The following C1orf141 variants were observed in gnomAD, a reference collection of about 807,000 sequenced individuals.
C1orf141 encodes the protein chromosome 1 open reading frame 141, also known as uncharacterized protein C1orf141.
A neutral mutation model predicts 23.2 loss-of-function variants in C1orf141; 19 were observed. The ratio of observed to expected loss-of-function variants is 0.82; its 90% CI spans 0.57 to 1.20. The LOEUF is 1.20. Among genes scored for constraint, C1orf141 ranks in the 50% most tolerant of loss-of-function variants. The pLI is 0.00. For synonymous variants in C1orf141, 153 were observed against 154.6 expected (o/e 0.99, Z 0.08); for missense variants, 469 against 455.1 (o/e 1.03, Z -0.28).
intron 5 of C1orf141, among the ~76,000 whole-genome samples, chr1:67,115,136 C>T (rs1053963318): frequency 2.0e-5 from 3 of 152,164 alleles, no homozygotes; most frequent in Non-Finnish European, 2.9e-5. Context: ...ACACTATAAA[C>T]ATAAAAATAT....
intron 7 of C1orf141, chr1:67,094,082 T>C (rs1645615636): frequency 6.6e-6 from 1 of 152,618 alleles, no homozygotes; most frequent in Non-Finnish European, 1.5e-5. Context: ...AAAAATTATC[T>C]CTACAACTGT....
intron 5 of C1orf141, among the ~76,000 whole-genome samples, chr1:67,101,729 G>A (rs1165679191): frequency 3.3e-5 from 5 of 152,036 alleles, no homozygotes. Context: ...TGGCCAGGAT[G>A]AACTGAACTT....
intron 4 of C1orf141, among the ~76,000 whole-genome samples, chr1:67,124,732 T>C (rs1348907071): frequency 6.6e-6 from 1 of 152,202 alleles, no homozygotes; most frequent in Non-Finnish European, 1.5e-5. Flanking sequence ...CAAGGCTGGA[T>C]TTAAACCTTA....
chr1:67,139,702 G>A (rs1450262542), upstream of C1orf141, among the ~76,000 whole-genome samples: 1 of 152,098 alleles, frequency 6.6e-6, no homozygotes, highest in Non-Finnish European at 1.5e-5. Context: ...GAGAGGTGAG[G>A]CCTTAATTTA....
chr1:67,116,322 T>C (rs1646192819), intron 4 of C1orf141, among the ~76,000 whole-genome samples: 1 of 152,090 alleles, frequency 6.6e-6, no homozygotes, highest in Non-Finnish European at 1.5e-5. Context: ...ACTCCCAACC[T>C]ATCAGCAAAT....
upstream of C1orf141, among the ~76,000 whole-genome samples, chr1:67,137,672 A>C (rs371190673): frequency 6.6e-6 from 1 of 152,216 alleles, no homozygotes; most frequent in South Asian, 2.1e-4. Flanking sequence ...ATATGACTCA[A>C]GGTCTCCAGG....
Position 67,127,211 on chromosome 1 carries a change from A to G in C1orf141, c.30T>C (p.Asp10=). Residue 10 remains aspartate, a synonymous_variant, in exon 3 of 8, where the codon GAT becomes GAC. Coordinates refer to ENST00000684719, the MANE Select transcript of C1orf141 (RefSeq NM_001276351.2). MAEKILEKL[D]VLDKQAEIIL... ...TTATCTCTGCTTGCTTATCAAGGAC[A>G]TCCAACTTCTCTAGGATTTTTTCTG... The G allele has an allele frequency of 6.2e-7, 1 of 1,609,492 alleles. No homozygotes were observed.
chr1:67,135,906 C>CAAAAAAAAAAA (rs59519661), upstream of C1orf141, among the ~76,000 whole-genome samples: 66 of 62,586 alleles, frequency 1.1e-3, 6 homozygotes, highest in East Asian at 2.6e-3. Flanking sequence ...GGCAAAACTG[C>CAAAAAAAAAAA]AAAAAAAAAA....
chr1:67,113,743 C>T (rs1646130279), intron 5 of C1orf141: 1 of 1,257,966 alleles, frequency 7.9e-7, no homozygotes. Context: ...GATCAGCCTA[C>T]TTTTAAAAGA....
At chr1:67,131,958 T>C (rs1000112841) in intron 1 of C1orf141, among the ~76,000 whole-genome samples, 2 of 151,734 alleles carry the variant, frequency 1.3e-5, no homozygotes, top group African/African-American at 4.8e-5. Flanking sequence ...CTAATTTTTG[T>C]ATTTTTGGTA....
intron 2 of C1orf141, among the ~76,000 whole-genome samples, chr1:67,128,202 G>T (rs752041353): frequency 4.9e-4 from 75 of 152,038 alleles, no homozygotes; most frequent in Non-Finnish European, 8.8e-4. Flanking sequence ...TCCATATTAA[G>T]CTTAGGGAGC....
intron 6 of C1orf141, chr1:67,096,003 A>G: frequency 7.1e-6 from 2 of 282,758 alleles, no homozygotes; most frequent in East Asian, 1.4e-4. Flanking sequence ...ATGTAAGTAA[A>G]TGTGTGTATT....
At chr1:67,135,447 G>A (rs1646577179), upstream of C1orf141, among the ~76,000 whole-genome samples, 1 of 152,250 alleles carries the variant, frequency 6.6e-6, no homozygotes, top group South Asian at 2.1e-4. Context: ...GAAACCTCCC[G>A]TGTGGTTAGT....
At chr1:67,137,196 G>A (rs78397033), upstream of C1orf141, among the ~76,000 whole-genome samples, 235 of 152,268 alleles carry the variant, frequency 1.5e-3, 10 homozygotes, top group East Asian at 0.037. Flanking sequence ...CCTCAGGTTC[G>A]ATAATTTGCT....
intron 5 of C1orf141, among the ~76,000 whole-genome samples, chr1:67,104,275 T>C (rs1645871547): frequency 6.6e-6 from 1 of 152,058 alleles, no homozygotes; most frequent in African/African-American, 2.4e-5. Flanking sequence ...TGCTAAGATT[T>C]AAAAGATGAG....
chr1:67,125,946 A>C, intron 3 of C1orf141, 37 bp from the exon 4 acceptor site: 1 of 1,493,120 alleles, frequency 6.7e-7, no homozygotes. Flanking sequence ...AAAAAAAAAA[A>C]AGAGTACTTT....
upstream of C1orf141, among the ~76,000 whole-genome samples, chr1:67,135,433 C>T (rs1239585243): frequency 1.3e-5 from 2 of 152,156 alleles, no homozygotes; most frequent in Non-Finnish European, 2.9e-5. Context: ...ATTTCCAAGG[C>T]CAAGAAACCT....
chr1:67,093,379 T>C lies in C1orf141; in HGVS notation c.829A>G (p.Arg277Gly). Residue 277 changes from arginine to glycine, a missense_variant, in exon 8 of 8, where the codon AGA becomes GGA. Transcript: ENST00000684719. ...GACATAGGGATCTGTATATCTTTTC[T>C]CTGTACTGTAGGCATAGTTTTTTGG... The part of the protein sequence containing the change: ...KPQKTMPTVQ[R>G]KDIQIPMSFK... 1.9e-6 allele frequency: 3 copies of C among 1,613,724 alleles called. No homozygotes were observed. The highest frequency in any genetic ancestry group is 4.5e-5 in the East Asian group (2 of 44,858).
intron 5 of C1orf141, among the ~76,000 whole-genome samples, chr1:67,115,067 C>A (rs1183798517): frequency 6.6e-6 from 1 of 152,230 alleles, no homozygotes; most frequent in Non-Finnish European, 1.5e-5. Flanking sequence ...CAAGGAAATT[C>A]TCAGCATTGA....
Sources: allele counts gnomAD v4.1 joint callset (sites outside exome capture counted in the v4.1 genomes callset), GRCh38; gene constraint gnomAD v4.1.1; transcripts MANE v1.5; gene names NCBI Gene and HGNC (gene_info 2026-07-23, HGNC 2026-07-21).